BMPR1B: variants seen among roughly 807,000 people sequenced by gnomAD.
BMPR1B encodes the protein bone morphogenetic protein receptor type 1B, also known as bone morphogenetic protein receptor type-1B.
Under a neutral mutation model 59.1 loss-of-function variants are expected in BMPR1B, and 12 were observed. The ratio of observed to expected loss-of-function variants is 0.20; its 90% CI spans 0.13 to 0.33. BMPR1B has a LOEUF of 0.33. Ranked by LOEUF, BMPR1B falls within the 10% of genes least tolerant of loss-of-function variation. The pLI, the probability that BMPR1B is intolerant of heterozygous loss-of-function variation, is 1.00. For synonymous variants in BMPR1B, 237 were observed against 207.3 expected (o/e 1.14, Z -1.23); for missense variants, 550 against 610.9 (o/e 0.90, Z 1.05).
At chr4:95,019,615 T>C (rs916172076) in intron 3 of BMPR1B, among the ~76,000 whole-genome samples, 2 of 152,136 alleles carry the variant, frequency 1.3e-5, no homozygotes, top group Non-Finnish European at 1.5e-5. Context: ...CATTATTTAT[T>C]TGTGGAAAGT....
At chr4:95,044,910 G>A (rs557424580) in intron 3 of BMPR1B, among the ~76,000 whole-genome samples, 3 of 152,064 alleles carry the variant, frequency 2.0e-5, no homozygotes, top group Non-Finnish European at 4.4e-5. Flanking sequence ...TTTTATGATA[G>A]TATGTAAGTG....
chr4:94,923,952 G>A (rs1289463849), intron 2 of BMPR1B, among the ~76,000 whole-genome samples: 1 of 152,056 alleles, frequency 6.6e-6, no homozygotes, highest in Admixed American at 6.6e-5. Flanking sequence ...ACTCTTGATG[G>A]GTTGCCTTTG....
At chr4:95,030,688 C>G (rs1333353006) in intron 3 of BMPR1B, among the ~76,000 whole-genome samples, 2 of 152,094 alleles carry the variant, frequency 1.3e-5, no homozygotes, top group Non-Finnish European at 2.9e-5. Context: ...GATACAAAAT[C>G]AATGTACAAA....
chr4:94,910,078 C>T (rs1171184337), intron 2 of BMPR1B, among the ~76,000 whole-genome samples: 3 of 152,028 alleles, frequency 2.0e-5, no homozygotes, highest in Non-Finnish European at 4.4e-5. Context: ...CTTTAAAAGA[C>T]ATTCTAGATA....
intron 6 of BMPR1B, among the ~76,000 whole-genome samples, chr4:95,117,473 G>GA (rs1732154614): frequency 6.6e-6 from 1 of 152,042 alleles, no homozygotes; most frequent in African/African-American, 2.4e-5. Flanking sequence ...ACTGGTTGGA[G>GA]AAAAATCCCA....
chr4:94,828,228 T>A (rs1046871731), intron 1 of BMPR1B, among the ~76,000 whole-genome samples: 2 of 152,178 alleles, frequency 1.3e-5, no homozygotes, highest in African/African-American at 4.8e-5. Context: ...GATATTTACC[T>A]CACACCCAGA....
intron 1 of BMPR1B, among the ~76,000 whole-genome samples, chr4:94,831,696 C>T (rs1199973474): frequency 6.6e-6 from 1 of 152,118 alleles, no homozygotes; most frequent in East Asian, 1.9e-4. Context: ...GGATCCCCAG[C>T]CCCCAGTCTG....
chr4:94,807,372 T>G (rs1293433360), intron 1 of BMPR1B, among the ~76,000 whole-genome samples: 7 of 152,146 alleles, frequency 4.6e-5, no homozygotes, highest in African/African-American at 1.7e-4. Flanking sequence ...GGATTGCAGG[T>G]GTGAGCCAAA....
intron 11 of BMPR1B, 65 bp downstream of exon 11, chr4:95,148,988 C>A: frequency 6.3e-7 from 1 of 1,584,982 alleles, no homozygotes. Context: ...TCTTTCTGAT[C>A]AGAAATCAAA....
chr4:94,945,211 C>T (rs1014030563), intron 2 of BMPR1B, among the ~76,000 whole-genome samples: 2 of 152,096 alleles, frequency 1.3e-5, no homozygotes, highest in Non-Finnish European at 2.9e-5. Context: ...TGTGGCATAT[C>T]CAAAGTTGAA....
chr4:95,019,652 G>A (rs1333414507), intron 3 of BMPR1B, among the ~76,000 whole-genome samples: 2 of 152,038 alleles, frequency 1.3e-5, no homozygotes, highest in African/African-American at 4.8e-5. Context: ...GGAAGAAGTC[G>A]AAAAACACCT....
At chr4:95,097,062 T>C (rs1730470275) in intron 3 of BMPR1B, among the ~76,000 whole-genome samples, 1 of 145,242 alleles carries the variant, frequency 6.9e-6, no homozygotes. Flanking sequence ...TGTATATAGT[T>C]ATATATTTAC....
chr4:94,760,870 A>T (rs1721735962), intron 1 of BMPR1B, among the ~76,000 whole-genome samples: 1 of 152,200 alleles, frequency 6.6e-6, no homozygotes, highest in Non-Finnish European at 1.5e-5. Flanking sequence ...TTCTTTGTGG[A>T]TGCAGTAGCT....
chr4:94,851,622 C>A (rs1337472309), intron 1 of BMPR1B, among the ~76,000 whole-genome samples: 2 of 152,072 alleles, frequency 1.3e-5, no homozygotes, highest in Middle Eastern at 6.8e-3. Flanking sequence ...ATTCTTTGAA[C>A]ACATACCTCT....
At chr4:95,041,500 A>G (rs1249678677) in intron 3 of BMPR1B, among the ~76,000 whole-genome samples, 3 of 152,062 alleles carry the variant, frequency 2.0e-5, no homozygotes, top group Non-Finnish European at 4.4e-5. Context: ...GGAATTTAGA[A>G]TATCTGACCC....
chr4:95,004,585 T>A (rs1404197498), intron 3 of BMPR1B, among the ~76,000 whole-genome samples: 3 of 152,196 alleles, frequency 2.0e-5, no homozygotes, highest in Non-Finnish European at 4.4e-5. Flanking sequence ...TCAGTTATGG[T>A]TTTATATATT....
intron 1 of BMPR1B, among the ~76,000 whole-genome samples, chr4:94,856,371 C>T (rs1254804323): frequency 6.6e-6 from 1 of 152,106 alleles, no homozygotes; most frequent in Non-Finnish European, 1.5e-5. Flanking sequence ...ATGTCTTTCT[C>T]CAGCCAGCTA....
At chr4:94,952,199 C>CA (rs771371365) in intron 2 of BMPR1B, among the ~76,000 whole-genome samples, 12 of 152,184 alleles carry the variant, frequency 7.9e-5, no homozygotes, top group Admixed American at 2.0e-4. Flanking sequence ...TTAATCTTTT[C>CA]AAAACACCAG....
intron 3 of BMPR1B, among the ~76,000 whole-genome samples, chr4:95,017,527 G>A (rs1723664614): frequency 1.3e-5 from 2 of 152,254 alleles, no homozygotes; most frequent in African/African-American, 4.8e-5. Context: ...CTTCACCCCA[G>A]TGTGCCACAA....
Sources: allele counts gnomAD v4.1 joint callset (sites outside exome capture counted in the v4.1 genomes callset), GRCh38; gene constraint gnomAD v4.1.1; transcripts MANE v1.5; gene names NCBI Gene and HGNC (gene_info 2026-07-23, HGNC 2026-07-21).